Variants in CDKN2B-AS1 observed in about 807,000 individuals in gnomAD.
CDKN2B-AS1 encodes the protein CDKN2B and CDKN2A antisense cis and trans regulatory RNA 1.
chr9:22,056,608 A>G (rs1198361636), intron 4 of CDKN2B-AS1, among the ~76,000 whole-genome samples: 4 of 151,966 alleles, frequency 2.6e-5, no homozygotes, highest in African/African-American at 7.3e-5. Context: ...CTTTCTGCCA[A>G]TCTTCTTGGC....
At chr9:22,063,654 G>A (rs1351188796) in intron 4 of CDKN2B-AS1, among the ~76,000 whole-genome samples, 1 of 152,214 alleles carries the variant, frequency 6.6e-6, no homozygotes, top group Non-Finnish European at 1.5e-5. Flanking sequence ...GAAGGGATTT[G>A]AGGTTGCTGA....
intron 4 of CDKN2B-AS1, among the ~76,000 whole-genome samples, chr9:22,123,527 G>T (rs1305306110): frequency 1.3e-5 from 2 of 152,174 alleles, no homozygotes; most frequent in African/African-American, 4.8e-5. Flanking sequence ...ACCAAAAGAG[G>T]TGAGGGATGG....
intron 1 of CDKN2B-AS1, among the ~76,000 whole-genome samples, chr9:22,010,372 G>T (rs768781725): frequency 9.9e-5 from 15 of 152,150 alleles, no homozygotes; most frequent in Non-Finnish European, 2.2e-4. Flanking sequence ...TAAAAACTTT[G>T]GTGAGGAACT....
At chr9:22,045,046 G>GTGTA (rs962487334) in intron 1 of CDKN2B-AS1, among the ~76,000 whole-genome samples, 3 of 150,914 alleles carry the variant, frequency 2.0e-5, no homozygotes, top group Middle Eastern at 3.4e-3. Flanking sequence ...ATTTGTGTGT[G>GTGTA]TGTGTGTGTG....
chr9:22,010,067 C>G (rs971772204), intron 1 of CDKN2B-AS1, among the ~76,000 whole-genome samples: 1 of 152,108 alleles, frequency 6.6e-6, no homozygotes, highest in African/African-American at 2.4e-5. Flanking sequence ...GCACTCTTAC[C>G]TATTTAAACC....
intron 4 of CDKN2B-AS1, among the ~76,000 whole-genome samples, chr9:22,082,242 G>A (rs770680211): frequency 6.6e-6 from 1 of 152,166 alleles, no homozygotes; most frequent in Non-Finnish European, 1.5e-5. Flanking sequence ...GTTATAGCGG[G>A]TCTTGAAAGC....
At chr9:22,069,019 C>T (rs1824179581) in intron 4 of CDKN2B-AS1, among the ~76,000 whole-genome samples, 1 of 152,184 alleles carries the variant, frequency 6.6e-6, no homozygotes, top group South Asian at 2.1e-4. Context: ...ACTCTTATAA[C>T]CAAGATAAGG....
chr9:22,045,949 C>A (rs73652848), intron 1 of CDKN2B-AS1, among the ~76,000 whole-genome samples: 1 of 152,030 alleles, frequency 6.6e-6, no homozygotes, highest in African/African-American at 2.4e-5. Context: ...AAAATGAATT[C>A]TCTTGCTATA....
chr9:22,053,957 T>TA (rs10712703), intron 3 of CDKN2B-AS1, among the ~76,000 whole-genome samples: 10 of 149,466 alleles, frequency 6.7e-5, no homozygotes, highest in Non-Finnish European at 1.2e-4. Context: ...AGCCTTAAAT[T>TA]AAAAAAAAAA....
intron 4 of CDKN2B-AS1, among the ~76,000 whole-genome samples, chr9:22,126,508 A>G (rs1195173904): frequency 2.0e-5 from 3 of 151,906 alleles, no homozygotes; most frequent in African/African-American, 7.3e-5. Flanking sequence ...ATCTTTCGAA[A>G]GAGGTGAACT....
At chr9:22,023,510 G>T (rs1002025221) in intron 1 of CDKN2B-AS1, among the ~76,000 whole-genome samples, 1 of 151,884 alleles carries the variant, frequency 6.6e-6, no homozygotes, top group Non-Finnish European at 1.5e-5. Flanking sequence ...GAGGTGGGTG[G>T]ATCATTTGAG....
At position 22,006,281 on chromosome 9, in the gene CDKN2B-AS1, TG is replaced by T; in HGVS notation, n.29+11125del. 2 of 1,599,822 alleles carry T rather than the reference TG, an allele frequency of 1.3e-6. No homozygotes were observed. The highest frequency in any genetic ancestry group is 2.2e-5 in the East Asian group (1 of 44,852). On this transcript the variant is annotated intron_variant and non_coding_transcript_variant, in intron 1 of 4. Transcript: ENST00000650946. The surrounding 1 kb of genome is among the most constrained non-coding windows in gnomAD (Gnocchi z 6.4). The stretch of plus-strand genomic sequence containing the variant: ...GAGAGCAGAGTGGTCAGAGCCAGGG[TG>T]GGGGCAGGTATGGGAGATGCCGGCC...
chr9:22,009,067 A>AGAGAGTG, intron 1 of CDKN2B-AS1: 1 of 1,502,678 alleles, frequency 6.7e-7, no homozygotes, highest in Non-Finnish European at 9.2e-7. Flanking sequence ...TTCCTAGGAG[A>AGAGAGTG]CCTGGGCTCA....
At position 21,996,644 on chromosome 9, in the gene CDKN2B-AS1, C is replaced by A. The variant is rs555919426; in HGVS notation, n.29+1483C>A. Reference sequence around the variant, plus strand: ...AGATCCTTTTATGGGTCTTCCTCTGCACCTATGCCACGCCCCCAGCATTCC... The same window carrying A: ...AGATCCTTTTATGGGTCTTCCTCTGAACCTATGCCACGCCCCCAGCATTCC... On this transcript the variant is annotated intron_variant and non_coding_transcript_variant, in intron 1 of 4. Transcript: ENST00000650946. The surrounding 1 kb of genome is among the most constrained non-coding windows in gnomAD (Gnocchi z 5.4). 2.2e-3 allele frequency among the ~76,000 whole-genome samples: 331 copies of A among 147,734 alleles called. 1 individual carries two copies. Among genetic ancestry groups the A allele is most frequent in the Non-Finnish European group, 2.0e-3 (132 of 67,198 alleles).
chr9:22,052,170 A>G (rs183776489), intron 3 of CDKN2B-AS1, among the ~76,000 whole-genome samples: 11 of 152,240 alleles, frequency 7.2e-5, no homozygotes, highest in African/African-American at 1.4e-4. Context: ...GTTTCCCCCA[A>G]TGAAATTACA....
rs749150773 is a variant in CDKN2B-AS1, at chr9:22,005,941, T to C, written n.29+10780T>C. The C allele has an allele frequency of 1.1e-5, 18 of 1,594,666 alleles. No homozygotes were observed. In the Admixed American group the frequency reaches 1.3e-4, roughly 12 times the overall value. On this transcript the variant is annotated intron_variant and non_coding_transcript_variant, in intron 1 of 4. Transcript: ENST00000650946. This position sits in a 1 kb window ranked among gnomAD's most constrained non-coding sequence, Gnocchi z 4.9. ...GAATTAGGTGGGTGGGGGTGGGAAATTGGGTAAGAAAATAAAGTCGTTGTG... is the reference window on the plus strand; with the variant it reads ...GAATTAGGTGGGTGGGGGTGGGAAACTGGGTAAGAAAATAAAGTCGTTGTG...
At chr9:22,054,682 A>AT (rs1335756785) in intron 3 of CDKN2B-AS1, among the ~76,000 whole-genome samples, 37 of 149,512 alleles carry the variant, frequency 2.5e-4, no homozygotes, top group African/African-American at 7.6e-4. Flanking sequence ...TTTTATTTTT[A>AT]TTTTTTTATT....
chr9:22,004,083 CCTAT>C (rs1821051230), intron 1 of CDKN2B-AS1: 1 of 232,414 alleles, frequency 4.3e-6, no homozygotes, highest in South Asian at 1.8e-4. Flanking sequence ...GGAAACAATA[CCTAT>C]CTCTCAGGTT....
At chr9:22,041,407 A>G (rs1563940854) in intron 1 of CDKN2B-AS1, among the ~76,000 whole-genome samples, 2 of 152,052 alleles carry the variant, frequency 1.3e-5, no homozygotes, top group African/African-American at 4.8e-5. Flanking sequence ...ACTCCAATCA[A>G]CCCTAGCTTA....
Sources: gnomAD v4.1 joint callset for allele counts (sites outside exome capture counted in the v4.1 genomes callset) on GRCh38, gnomAD v4.1.1 for gene constraint, Gnocchi (gnomAD v3.1) non-coding constraint, MANE v1.5 for transcripts, NCBI Gene and HGNC (gene_info 2026-07-23, HGNC 2026-07-21) for gene names.